Variants in PAM observed in about 807,000 individuals in gnomAD.
PAM encodes peptidylglycine alpha-amidating monooxygenase.
In PAM, 72 loss-of-function variants were observed where a neutral mutation model predicts 122.1. The ratio of observed to expected loss-of-function variants is 0.59; its 90% CI spans 0.49 to 0.72. PAM has a LOEUF of 0.72. PAM is among the 30% of genes least tolerant of loss of function. The probability of loss-of-function intolerance (pLI) is 0.00; values close to 1 mark genes in which losing one functional copy is unlikely to be tolerated. For missense variants in PAM, 1,106 were observed against 1,183.7 expected (o/e 0.93, Z 0.96); for synonymous variants, 389 against 404.4 (o/e 0.96, Z 0.46).
chr5:103,027,586 G>T (rs1362721026), intron 24 of PAM, among the ~76,000 whole-genome samples: 1 of 151,966 alleles, frequency 6.6e-6, no homozygotes, highest in African/African-American at 2.4e-5. Flanking sequence ...GAACATTTAG[G>T]TCACCTACTA....
At position 103,007,588 on chromosome 5, in the gene PAM, A is replaced by G. The variant is rs773878299; in HGVS notation, c.2146A>G (p.Lys716Glu). 9 of 1,613,878 alleles carry G rather than the reference A, an allele frequency of 5.6e-6. No individual in the cohort carries two copies. The highest frequency in any genetic ancestry group is 7.6e-6 in the Non-Finnish European group (9 of 1,179,794). The part of the protein sequence containing the change: ...GRIQCFKTDT[K>E]EFVREIKHSS... ...GATCCAGTGTTTTAAAACTGACACC[A>G]AAGAATTTGTGAGAGAGATTAAGCA... is the stretch of plus-strand genomic sequence containing the variant. The change falls in exon 20 of 26, where the codon AAA becomes GAA. Residue 716 changes from lysine (K) to glutamate (E), a missense_variant. Transcript: ENST00000438793.
At chr5:102,976,713 T>A (rs1562105220) in intron 15 of PAM, among the ~76,000 whole-genome samples, 1 of 152,216 alleles carries the variant, frequency 6.6e-6, no homozygotes, top group African/African-American at 2.4e-5. Context: ...TGCTTAATAT[T>A]ATAGCTCATA....
intron 15 of PAM, 23 bp from the exon 16 acceptor site, chr5:102,990,249 A>G: frequency 6.6e-7 from 1 of 1,510,746 alleles, no homozygotes; most frequent in African/African-American, 1.4e-5. Context: ...CTTTTACACT[A>G]AATGTGTGGA....
chr5:102,867,443 T>C (rs1785970298), intron 3 of PAM, 50 bp downstream of exon 3: 2 of 1,429,848 alleles, frequency 1.4e-6, no homozygotes, highest in East Asian at 2.3e-5. Context: ...ATACAATCTA[T>C]AATTAAAGTA....
At chr5:102,852,461 A>G (rs548777735) in intron 1 of PAM, among the ~76,000 whole-genome samples, 2 of 152,206 alleles carry the variant, frequency 1.3e-5, no homozygotes, top group East Asian at 3.9e-4. Flanking sequence ...TTCAATCTTT[A>G]AAAACATAAC....
chr5:103,007,148 T>A, intron 19 of PAM, 137 bp downstream of exon 19: 2 of 636,236 alleles, frequency 3.1e-6, no homozygotes, highest in Non-Finnish European at 5.5e-6. Flanking sequence ...ATTGTATGCA[T>A]CCAGTTAGCT....
At chr5:102,998,816 C>A (rs1776505369) in intron 16 of PAM, among the ~76,000 whole-genome samples, 1 of 152,068 alleles carries the variant, frequency 6.6e-6, no homozygotes, top group Non-Finnish European at 1.5e-5. Context: ...TTTAGATTGC[C>A]ATTGTGCCTT....
At chr5:102,768,108 T>C (rs1416027497) in intron 1 of PAM, among the ~76,000 whole-genome samples, 1 of 152,178 alleles carries the variant, frequency 6.6e-6, no homozygotes, top group Non-Finnish European at 1.5e-5. Flanking sequence ...GCTAGTTCTA[T>C]AATTACTATA....
At chr5:102,841,920 C>A (rs1778745038) in intron 1 of PAM, among the ~76,000 whole-genome samples, 1 of 151,912 alleles carries the variant, frequency 6.6e-6, no homozygotes, top group African/African-American at 2.4e-5. Context: ...GAAAAATATG[C>A]CTAAATTTAT....
At chr5:102,812,090 C>A (rs144856784) in intron 1 of PAM, among the ~76,000 whole-genome samples, 3 of 152,042 alleles carry the variant, frequency 2.0e-5, no homozygotes, top group Admixed American at 6.5e-5. Flanking sequence ...AATCTAGTAA[C>A]CCTGAGTTTT....
At chr5:102,821,216 T>C (rs1218809997) in intron 1 of PAM, among the ~76,000 whole-genome samples, 1 of 152,110 alleles carries the variant, frequency 6.6e-6, no homozygotes, top group East Asian at 1.9e-4. Context: ...TTAAGAGAAG[T>C]TTTAGCTTAT....
intron 1 of PAM, among the ~76,000 whole-genome samples, chr5:102,805,095 G>A: frequency 7.5e-6 from 1 of 132,920 alleles, no homozygotes; most frequent in Non-Finnish European, 1.5e-5. Context: ...TTTTGAGACG[G>A]AGCCTCTCTC....
chr5:102,874,392 TATG>T (rs1212435675), intron 3 of PAM, among the ~76,000 whole-genome samples: 1 of 152,192 alleles, frequency 6.6e-6, no homozygotes, highest in African/African-American at 2.4e-5. Context: ...AAGTTTAAAT[TATG>T]ATACTTCCTC....
intron 21 of PAM, among the ~76,000 whole-genome samples, chr5:103,015,527 G>C (rs1247183382): frequency 6.6e-6 from 1 of 152,036 alleles, no homozygotes; most frequent in Non-Finnish European, 1.5e-5. Flanking sequence ...CTAAAGCTTG[G>C]TCCTAAAATT....
At chr5:102,899,433 T>C (rs1033770812) in intron 3 of PAM, among the ~76,000 whole-genome samples, 1 of 151,662 alleles carries the variant, frequency 6.6e-6, no homozygotes, top group Non-Finnish European at 1.5e-5. Flanking sequence ...AGATAACTTA[T>C]AATAAAATCA....
rs763748341 is a variant in PAM, at chr5:102,990,336, G to A, written c.1548G>A (p.Gly516=). Residue 516 remains glycine (G), a synonymous_variant, in exon 16 of 26, where the codon GGG becomes GGA. Coordinates refer to ENST00000438793, the MANE Select transcript of PAM (RefSeq NM_001177306.2). Reference sequence around the variant, plus strand: ...ACTTGTTACCAGGCCAGGTTTCTGGGGTGGCTCTAGACCCTAAGAATAACC... The same window carrying A: ...ACTTGTTACCAGGCCAGGTTTCTGGAGTGGCTCTAGACCCTAAGAATAACC... ...GVYLLPGQVS[G]VALDPKNNLV... 3.1e-6 allele frequency: 5 copies of A among 1,609,116 alleles called. No homozygotes were observed. Among genetic ancestry groups the A allele is most frequent in the Non-Finnish European group, 4.2e-6 (5 of 1,176,594 alleles).
chr5:102,869,576 CT>C (rs1452966080), intron 3 of PAM, among the ~76,000 whole-genome samples: 1 of 152,172 alleles, frequency 6.6e-6, no homozygotes, highest in African/African-American at 2.4e-5. Flanking sequence ...CCATCACTCT[CT>C]GTTGACCATG....
At chr5:103,003,339 G>C (rs895660548) in intron 17 of PAM, among the ~76,000 whole-genome samples, 190 bp downstream of exon 17, 2 of 152,114 alleles carry the variant, frequency 1.3e-5, no homozygotes, top group African/African-American at 4.8e-5. Flanking sequence ...AATCATCTGG[G>C]AAGCTTCAAA....
At chr5:102,792,547 C>T (rs181431541) in intron 1 of PAM, among the ~76,000 whole-genome samples, 2 of 152,250 alleles carry the variant, frequency 1.3e-5, no homozygotes, top group African/African-American at 2.4e-5. Context: ...CTTTTAAAAA[C>T]ATAATGCATG....
Sources: allele counts gnomAD v4.1 joint callset (sites outside exome capture counted in the v4.1 genomes callset), GRCh38; gene constraint gnomAD v4.1.1; transcripts MANE v1.5; gene names NCBI Gene and HGNC (gene_info 2026-07-23, HGNC 2026-07-21).